Variants in SAMSN1 observed in about 807,000 individuals in gnomAD.
The protein encoded by SAMSN1 is SAM domain-containing protein SAMSN-1.
A neutral mutation model predicts 42.0 loss-of-function variants in SAMSN1; 31 were observed. The ratio of observed to expected loss-of-function variants is 0.74; its 90% CI spans 0.55 to 1.00. The LOEUF is 1.00. Among genes scored for constraint, SAMSN1 ranks in the 50% least tolerant of loss-of-function variants. SAMSN1 has a pLI of 0.00. For synonymous variants in SAMSN1, 178 were observed against 151.9 expected, an observed-to-expected ratio of 1.17 and a Z score of -1.26; for missense variants, 464 against 439.4, an observed-to-expected ratio of 1.06 and a Z score of -0.50.
intron 1 of SAMSN1, among the ~76,000 whole-genome samples, chr21:14,539,920 G>A (rs912060141): frequency 2.0e-5 from 3 of 152,168 alleles, no homozygotes; most frequent in East Asian, 1.9e-4. Flanking sequence ...TAACAAAACA[G>A]CATGGTATTG....
chr21:14,501,059 T>A (rs942935211), intron 5 of SAMSN1, among the ~76,000 whole-genome samples: 1 of 150,692 alleles, frequency 6.6e-6, no homozygotes, highest in Non-Finnish European at 1.5e-5. Context: ...ATCTGTAGAC[T>A]GAGGTGGGAG....
At chr21:14,644,204 G>A (rs183151061) in intron 1 of SAMSN1, among the ~76,000 whole-genome samples, 1 of 152,114 alleles carries the variant, frequency 6.6e-6, no homozygotes, top group Admixed American at 6.5e-5. Flanking sequence ...CCAAGGGAGT[G>A]CAGGCATCAC....
chr21:14,602,325 T>C (rs535409102), intron 5 of SAMSN1, among the ~76,000 whole-genome samples: 17 of 152,244 alleles, frequency 1.1e-4, no homozygotes, highest in African/African-American at 3.9e-4. Flanking sequence ...GCTGACCATC[T>C]GTGTCCCTGA....
In SAMSN1 at chr21:14,570,011, C is replaced by T. The variant is rs534664324; in HGVS notation, c.261+12125G>A. On this transcript the variant is annotated intron_variant, in intron 2 of 8. Coordinates refer to the SAMSN1 transcript ENST00000285670. ...CCCCCCCCCAGTTTTTCACTTGACA[C>T]CTTGTCATGAGTTACAGTGGCTTGC... Among the ~76,000 whole-genome samples, 124 of 151,530 alleles carry T rather than the reference C, an allele frequency of 8.2e-4. 1 individual carries two copies. Among genetic ancestry groups the T allele is most frequent in the African/African-American group, 2.8e-3 (114 of 41,122 alleles).
At chr21:14,519,106 A>T (rs1277120240) in intron 2 of SAMSN1, among the ~76,000 whole-genome samples, 1 of 152,114 alleles carries the variant, frequency 6.6e-6, no homozygotes. Context: ...TTTCTATTTA[A>T]ATATTACTTA....
chr21:14,534,247 T>C (rs1305329671), intron 1 of SAMSN1, among the ~76,000 whole-genome samples: 2 of 152,210 alleles, frequency 1.3e-5, no homozygotes, highest in Non-Finnish European at 2.9e-5. Flanking sequence ...CTATGTTCTA[T>C]ACTATCAATG....
chr21:14,625,663 T>A (rs181087094), intron 2 of SAMSN1, among the ~76,000 whole-genome samples: 1 of 152,332 alleles, frequency 6.6e-6, no homozygotes, highest in East Asian at 1.9e-4. Context: ...TCCATGCTCA[T>A]GGATAGGAAG....
intron 2 of SAMSN1, among the ~76,000 whole-genome samples, chr21:14,581,174 G>A (rs953006107): frequency 1.1e-4 from 17 of 151,548 alleles, no homozygotes; most frequent in African/African-American, 3.6e-4. Context: ...GTCTGCCCTC[G>A]TATATGGAAA....
intron 1 of SAMSN1, among the ~76,000 whole-genome samples, chr21:14,522,282 T>C (rs1978544019): frequency 6.6e-6 from 1 of 152,250 alleles, no homozygotes; most frequent in Admixed American, 6.5e-5. Flanking sequence ...TAAAATTCTT[T>C]TGAGTCATTG....
chr21:14,618,073 T>TA (rs1568832555), intron 2 of SAMSN1, among the ~76,000 whole-genome samples: 1 of 152,234 alleles, frequency 6.6e-6, no homozygotes, highest in African/African-American at 2.4e-5. Context: ...AGAGATTGGT[T>TA]ACTTTTACTA....
chr21:14,576,080 A>G (rs565677043), intron 2 of SAMSN1, among the ~76,000 whole-genome samples: 43 of 152,298 alleles, frequency 2.8e-4, no homozygotes, highest in African/African-American at 1.0e-3. Context: ...TGCAGTAAAG[A>G]GTGTGTAAAA....
At chr21:14,596,715 TA>T (rs1411307752) in intron 6 of SAMSN1, among the ~76,000 whole-genome samples, 1 of 151,998 alleles carries the variant, frequency 6.6e-6, no homozygotes, top group South Asian at 2.1e-4. Flanking sequence ...TCAATTCCCA[TA>T]AAAAAACTGA....
intron 2 of SAMSN1, among the ~76,000 whole-genome samples, chr21:14,628,077 A>T (rs540132007): frequency 1.3e-5 from 2 of 152,196 alleles, no homozygotes; most frequent in African/African-American, 4.8e-5. Flanking sequence ...TTTCTGCAAT[A>T]AGACTTAAAA....
intron 5 of SAMSN1, among the ~76,000 whole-genome samples, chr21:14,502,801 C>G (rs762024307): frequency 6.6e-6 from 1 of 152,072 alleles, no homozygotes; most frequent in Non-Finnish European, 1.5e-5. Context: ...TTTAATTCTC[C>G]AGTTGAGCTC....
intron 2 of SAMSN1, among the ~76,000 whole-genome samples, chr21:14,577,120 A>G (rs1207093232): frequency 8.0e-6 from 1 of 124,718 alleles, no homozygotes; most frequent in Non-Finnish European, 1.6e-5. Flanking sequence ...CAGTCGTGCA[A>G]TCTCGGCTCA....
In SAMSN1 at chr21:14,503,752, T is replaced by A. The variant is rs1465871275; in HGVS notation, c.562-3017A>T. ...GCTCCAACTCGAGCAGAGGAGTGTGTGGATGCTCACATGATGAATTTTGGC... is the reference window on the plus strand; with the variant it reads ...GCTCCAACTCGAGCAGAGGAGTGTGAGGATGCTCACATGATGAATTTTGGC... On this transcript the variant is annotated intron_variant, in intron 5 of 7. Coordinates refer to ENST00000400566, the MANE Select transcript of SAMSN1 (RefSeq NM_022136.5). 5.9e-5 allele frequency among the ~76,000 whole-genome samples: 9 copies of A among 152,224 alleles called. No individual in the cohort carries two copies. In the South Asian group the frequency reaches 1.7e-3, roughly 28 times the overall value.
intron 2 of SAMSN1, among the ~76,000 whole-genome samples, chr21:14,579,655 TTTTTTTTTTG>T (rs1253531897): frequency 1.6e-5 from 2 of 127,854 alleles, no homozygotes; most frequent in African/African-American, 2.8e-5. Context: ...TTTTTTTTTT[TTTTTTTTTTG>T]GAGGCAGGGT....
intron 1 of SAMSN1, among the ~76,000 whole-genome samples, chr21:14,537,758 A>T (rs1337303576): frequency 1.3e-5 from 2 of 152,164 alleles, no homozygotes; most frequent in African/African-American, 2.4e-5. Context: ...GGCTCCAAAA[A>T]CCATCAACCT....
chr21:14,544,225 A>AT (rs993040048), intron 1 of SAMSN1, among the ~76,000 whole-genome samples: 1 of 152,024 alleles, frequency 6.6e-6, no homozygotes, highest in African/African-American at 2.4e-5. Flanking sequence ...TAATTTTTGA[A>AT]TTTTTTGTAG....
Sources: gnomAD v4.1 joint callset for allele counts (sites outside exome capture counted in the v4.1 genomes callset) on GRCh38, gnomAD v4.1.1 for gene constraint, MANE v1.5 for transcripts, NCBI Gene and HGNC (gene_info 2026-07-23, HGNC 2026-07-21) for gene names.